Variants in DSCAM observed in about 807,000 individuals in gnomAD.
DSCAM encodes cell adhesion molecule DSCAM.
In DSCAM, 47 loss-of-function variants were observed where a neutral mutation model predicts 217.7. That is an observed-to-expected ratio of 0.22 (90% confidence interval 0.17 to 0.28). The LOEUF is 0.28. DSCAM is among the 10% of genes least tolerant of loss of function. DSCAM has a pLI of 1.00. For synonymous variants in DSCAM, 1,056 were observed against 1,015.3 expected, an observed-to-expected ratio of 1.04 and a Z score of -0.76; for missense variants, 2,080 against 2,618.3, an observed-to-expected ratio of 0.79 and a Z score of 4.49.
intron 21 of DSCAM, among the ~76,000 whole-genome samples, chr21:40,088,029 C>T (rs1268932570): frequency 1.3e-5 from 2 of 152,224 alleles, no homozygotes; most frequent in Non-Finnish European, 2.9e-5. Context: ...CTGACAGGGA[C>T]ACCACACACA....
intron 3 of DSCAM, among the ~76,000 whole-genome samples, chr21:40,479,058 A>C (rs2075960749): frequency 6.6e-6 from 1 of 152,238 alleles, no homozygotes; most frequent in African/African-American, 2.4e-5. Context: ...ATAAGGGGGA[A>C]GAATGCTGTA....
chr21:40,460,101 G>A (rs186297326), intron 3 of DSCAM, among the ~76,000 whole-genome samples: 106 of 152,202 alleles, frequency 7.0e-4, no homozygotes, highest in Non-Finnish European at 1.2e-3. Context: ...CACAAGGAGG[G>A]GAACAACACA....
At chr21:40,550,488 G>A (rs1288358877) in intron 3 of DSCAM, among the ~76,000 whole-genome samples, 1 of 152,160 alleles carries the variant, frequency 6.6e-6, no homozygotes, top group East Asian at 1.9e-4. Context: ...TCACGCCATT[G>A]CACTCCAGAA....
chr21:40,102,088 A>C (rs1014242315), intron 20 of DSCAM, among the ~76,000 whole-genome samples: 1 of 141,382 alleles, frequency 7.1e-6, no homozygotes, highest in East Asian at 2.4e-4. Flanking sequence ...ACAGCTTGGC[A>C]AACAGATTAA....
At chr21:40,675,296 C>T (rs1396622181) in intron 3 of DSCAM, among the ~76,000 whole-genome samples, 1 of 152,192 alleles carries the variant, frequency 6.6e-6, no homozygotes, top group African/African-American at 2.4e-5. Flanking sequence ...ACCAGGTCAG[C>T]AGGCTGGAGT....
chr21:40,657,766 T>A (rs1355305960), intron 3 of DSCAM, among the ~76,000 whole-genome samples: 1 of 152,152 alleles, frequency 6.6e-6, no homozygotes, highest in Non-Finnish European at 1.5e-5. Flanking sequence ...TTTGTGTATA[T>A]ACAAGAGAAT....
intron 1 of DSCAM, among the ~76,000 whole-genome samples, chr21:40,741,992 T>C (rs183619643): frequency 1.3e-5 from 2 of 152,244 alleles, no homozygotes; most frequent in Admixed American, 1.3e-4. Flanking sequence ...TTTAGTCTGG[T>C]GGGCATCAGA....
At chr21:40,257,260 G>T (rs959764635) in intron 11 of DSCAM, among the ~76,000 whole-genome samples, 2 of 152,126 alleles carry the variant, frequency 1.3e-5, no homozygotes, top group Non-Finnish European at 2.9e-5. Context: ...ACATCCTCCT[G>T]CACACTTTAG....
intron 15 of DSCAM, among the ~76,000 whole-genome samples, chr21:40,168,307 T>C (rs566979590): frequency 2.2e-4 from 34 of 152,232 alleles, no homozygotes; most frequent in Middle Eastern, 6.8e-3. Flanking sequence ...TTAGAGCTGA[T>C]AGGCATGTGT....
chr21:40,620,366 A>AAAAG (rs71186951), intron 3 of DSCAM, among the ~76,000 whole-genome samples: 8,317 of 124,722 alleles, frequency 0.067, 690 homozygotes, highest in South Asian at 0.13. Flanking sequence ...AGAAAAAAGA[A>AAAAG]AAAGAAAGAA....
chr21:40,323,692 A>G (rs1280174271), intron 8 of DSCAM, among the ~76,000 whole-genome samples: 3 of 152,244 alleles, frequency 2.0e-5, no homozygotes, highest in African/African-American at 7.2e-5. Context: ...ATTGGAATAT[A>G]TCAGGAATAA....
At chr21:40,610,803 T>C (rs1251927286) in intron 3 of DSCAM, among the ~76,000 whole-genome samples, 7 of 152,184 alleles carry the variant, frequency 4.6e-5, no homozygotes, top group Non-Finnish European at 8.8e-5. Context: ...AGCTTTGAAA[T>C]GCACTGGCTT....
chr21:40,161,337 A>T (rs2837471), intron 16 of DSCAM, among the ~76,000 whole-genome samples: 38,112 of 152,052 alleles, frequency 0.25, 4,872 homozygotes, highest in Admixed American at 0.27. Context: ...GGCTTCATTA[A>T]AGAAACATGC....
intron 18 of DSCAM, among the ~76,000 whole-genome samples, chr21:40,136,763 C>T (rs1469328495): frequency 6.6e-6 from 1 of 152,100 alleles, no homozygotes; most frequent in African/African-American, 2.4e-5. Flanking sequence ...TAGGAGAAAG[C>T]TGTGACCCTC....
Position 40,292,895 on chromosome 21 carries a change from G to C in DSCAM, c.2182+3160C>G, listed in dbSNP as rs375754684. On this transcript the variant is annotated intron_variant, in intron 10 of 32. Transcript: ENST00000400454. Reference sequence around the variant, plus strand: ...GGACTACAGGTGGCCGCCACCACGCGTGGCTAATTTTTTTGCATTTTTAGT... The same window carrying C: ...GGACTACAGGTGGCCGCCACCACGCCTGGCTAATTTTTTTGCATTTTTAGT... Among the ~76,000 whole-genome samples, 90 of 152,054 alleles carry C rather than the reference G, an allele frequency of 5.9e-4. No homozygotes were observed. In the South Asian group the frequency reaches 8.9e-3, roughly 15 times the overall value.
At chr21:40,675,965 T>C (rs913569686) in intron 3 of DSCAM, among the ~76,000 whole-genome samples, 4 of 152,200 alleles carry the variant, frequency 2.6e-5, no homozygotes, top group Non-Finnish European at 1.5e-5. Context: ...AGCAGCATCG[T>C]CTTAGATCCA....
chr21:40,513,930 T>C (rs1320098431), intron 3 of DSCAM, among the ~76,000 whole-genome samples: 1 of 151,984 alleles, frequency 6.6e-6, no homozygotes, highest in East Asian at 1.9e-4. Context: ...AGATCACAGA[T>C]TGGGACAGAA....
chr21:40,338,662 T>C (rs1348495769), intron 7 of DSCAM, among the ~76,000 whole-genome samples: 1 of 152,220 alleles, frequency 6.6e-6, no homozygotes, highest in Non-Finnish European at 1.5e-5. Context: ...AGAAAGTAAC[T>C]AGTCTATACT....
rs141381325 is a variant in DSCAM at position 40,574,758 on chromosome 21, G to T, written c.508+118052C>A. Reference sequence around the variant, plus strand: ...GAGACTTGCTCTGTCGCCTAGGCTGGGTGCAATGGCAGGGTCTTGGCTCAC... The same window carrying T: ...GAGACTTGCTCTGTCGCCTAGGCTGTGTGCAATGGCAGGGTCTTGGCTCAC... On this transcript the variant is annotated intron_variant, in intron 3 of 32. Coordinates refer to ENST00000400454, the MANE Select transcript of DSCAM (RefSeq NM_001389.5). 8.1e-3 allele frequency among the ~76,000 whole-genome samples: 1,198 copies of T among 148,308 alleles called. 29 individuals carry two copies. Among genetic ancestry groups the T allele is most frequent in the Admixed American group, 0.055 (817 of 14,888 alleles).
Sources: gnomAD v4.1 joint callset for allele counts (sites outside exome capture counted in the v4.1 genomes callset) on GRCh38, gnomAD v4.1.1 for gene constraint, MANE v1.5 for transcripts, NCBI Gene and HGNC (gene_info 2026-07-23, HGNC 2026-07-21) for gene names.